The following CLSTN2 variants were observed in gnomAD, a reference collection of about 807,000 sequenced individuals.
CLSTN2 encodes the protein calsyntenin-2.
A neutral mutation model predicts 101.2 loss-of-function variants in CLSTN2; 48 were observed. That is an observed-to-expected ratio of 0.47 (90% CI 0.38 to 0.60). The LOEUF is 0.60. Among genes scored for constraint, CLSTN2 ranks in the 20% least tolerant of loss-of-function variants. CLSTN2 has a pLI of 0.00. For synonymous variants in CLSTN2, 481 were observed against 463.6 expected, an observed-to-expected ratio of 1.04 and a Z score of -0.48; for missense variants, 1,160 against 1,238.2, an observed-to-expected ratio of 0.94 and a Z score of 0.95.
intron 1 of CLSTN2, among the ~76,000 whole-genome samples, chr3:139,941,209 A>G (rs930212507): frequency 2.0e-5 from 3 of 152,096 alleles, no homozygotes; most frequent in African/African-American, 7.2e-5. Flanking sequence ...TTGAGGGTAG[A>G]CCATGGGGAG....
intron 2 of CLSTN2, among the ~76,000 whole-genome samples, chr3:140,290,193 G>A (rs2086935001): frequency 6.6e-6 from 1 of 152,074 alleles, no homozygotes; most frequent in African/African-American, 2.4e-5. Flanking sequence ...AAGTGTTTGA[G>A]CCTGTTTTGG....
At chr3:140,269,937 T>C in intron 2 of CLSTN2, among the ~76,000 whole-genome samples, 1 of 141,944 alleles carries the variant, frequency 7.0e-6, no homozygotes, top group South Asian at 2.2e-4. Flanking sequence ...GAGGATTTGA[T>C]GAGGTTTTGT....
At position 140,562,316 on chromosome 3, in the gene CLSTN2, C is replaced by A. The variant is rs745756994; in HGVS notation, c.2212+8C>A. The stretch of plus-strand genomic sequence containing the variant: ...CAGGCTACTCCATCTACGGTAAGGC[C>A]ACACTCAGCCCCCTTTGCCCCAAGG... On this transcript the variant is annotated splice_region_variant and intron_variant, in intron 13 of 16. Transcript: ENST00000458420. 6.2e-7 allele frequency: 1 copy of A among 1,609,366 alleles called. No individual in the cohort carries two copies. The highest frequency in any genetic ancestry group is 1.1e-5 in the South Asian group (1 of 90,616).
intron 1 of CLSTN2, among the ~76,000 whole-genome samples, chr3:140,011,638 TC>T (rs2007075461): frequency 1.3e-5 from 2 of 152,198 alleles, no homozygotes; most frequent in South Asian, 4.1e-4. Flanking sequence ...CCTGGCCTCA[TC>T]CTTCTCACAA....
intron 6 of CLSTN2, among the ~76,000 whole-genome samples, chr3:140,455,288 A>G (rs534033753): frequency 6.6e-6 from 1 of 152,318 alleles, no homozygotes; most frequent in South Asian, 2.1e-4. Context: ...AGGAGGCACA[A>G]CTGGTGGCCC....
chr3:139,997,451 G>A (rs2006695838), intron 1 of CLSTN2, among the ~76,000 whole-genome samples: 1 of 152,168 alleles, frequency 6.6e-6, no homozygotes, highest in African/African-American at 2.4e-5. Context: ...GCAGCTCCAT[G>A]GAGTGAATTG....
rs1309395588 is a variant in CLSTN2, at chr3:140,558,667, T to C, written c.1851T>C (p.Ser617=). 2 of 1,613,924 alleles carry C rather than the reference T, an allele frequency of 1.2e-6. No homozygotes were observed. The highest frequency in any genetic ancestry group is 1.7e-6 in the Non-Finnish European group (2 of 1,179,914). ...VQCFGEDVCI[S]IPEVDAYVMV... The stretch of plus-strand genomic sequence containing the variant: ...GCTTTGGGGAAGACGTATGCATCAG[T>C]ATCCCTGAGGTAGATGCCTATGTGA... The change falls in exon 12 of 17, where the codon AGT becomes AGC. Residue 617 remains serine (S), a synonymous_variant. Transcript: ENST00000458420.
intron 1 of CLSTN2, among the ~76,000 whole-genome samples, chr3:140,132,193 TA>T: frequency 6.6e-6 from 1 of 152,190 alleles, no homozygotes; most frequent in East Asian, 1.9e-4. Context: ...GGAAAAAGTG[TA>T]AAAGACTCCT....
intron 9 of CLSTN2, among the ~76,000 whole-genome samples, chr3:140,534,175 G>A (rs1042533128): frequency 1.3e-5 from 2 of 152,106 alleles, no homozygotes; most frequent in East Asian, 3.9e-4. Context: ...CCCCTGGTGT[G>A]GCTTAGTGCC....
chr3:140,146,813 C>T (rs761623064), intron 1 of CLSTN2, among the ~76,000 whole-genome samples: 6 of 152,214 alleles, frequency 3.9e-5, no homozygotes, highest in Non-Finnish European at 8.8e-5. Flanking sequence ...CTTCCTCCTG[C>T]ACCACCTCCT....
chr3:139,971,602 A>C (rs1473050712), intron 1 of CLSTN2, among the ~76,000 whole-genome samples: 2 of 152,194 alleles, frequency 1.3e-5, no homozygotes, highest in African/African-American at 2.4e-5. Context: ...GTTGTTAAGC[A>C]TGGAATGAGT....
At chr3:140,501,920 T>G (rs1433849806) in intron 8 of CLSTN2, among the ~76,000 whole-genome samples, 1 of 152,244 alleles carries the variant, frequency 6.6e-6, no homozygotes, top group Non-Finnish European at 1.5e-5. Flanking sequence ...TGCTGGTTCA[T>G]GGCCCACAGT....
intron 2 of CLSTN2, among the ~76,000 whole-genome samples, chr3:140,257,157 C>T (rs1284843622): frequency 2.0e-5 from 3 of 152,136 alleles, no homozygotes; most frequent in Non-Finnish European, 4.4e-5. Flanking sequence ...ACTTGTAAAG[C>T]AAATATGCTT....
At chr3:140,367,829 C>A (rs1048920118) in intron 2 of CLSTN2, among the ~76,000 whole-genome samples, 1 of 152,114 alleles carries the variant, frequency 6.6e-6, no homozygotes, top group African/African-American at 2.4e-5. Flanking sequence ...TAGTAGTTAC[C>A]ACATAGGGAT....
chr3:140,221,851 C>A (rs1426875029), intron 2 of CLSTN2, among the ~76,000 whole-genome samples: 1 of 151,988 alleles, frequency 6.6e-6, no homozygotes, highest in African/African-American at 2.4e-5. Context: ...AAAAGGGAAT[C>A]CTTATACACT....
chr3:140,438,519 T>C (rs1036479527), intron 5 of CLSTN2, among the ~76,000 whole-genome samples: 7 of 135,904 alleles, frequency 5.2e-5, no homozygotes, highest in African/African-American at 2.0e-4. Context: ...TGAAAAAGTA[T>C]ACATAAGCCA....
At chr3:140,103,692 C>G (rs2009005152) in intron 1 of CLSTN2, among the ~76,000 whole-genome samples, 1 of 152,146 alleles carries the variant, frequency 6.6e-6, no homozygotes, top group Admixed American at 6.5e-5. Flanking sequence ...AGAGTAGTTC[C>G]CAGGAGTAAT....
intron 1 of CLSTN2, among the ~76,000 whole-genome samples, chr3:140,171,794 A>ATC (rs2010234566): frequency 9.2e-6 from 1 of 108,292 alleles, no homozygotes; most frequent in African/African-American, 4.3e-5. Flanking sequence ...AATATATAAT[A>ATC]TATAATATGT....
chr3:140,191,125 T>A (rs1038581739), intron 2 of CLSTN2, among the ~76,000 whole-genome samples: 1 of 152,102 alleles, frequency 6.6e-6, no homozygotes, highest in Non-Finnish European at 1.5e-5. Flanking sequence ...TTAAAAAGTA[T>A]AAATGGGTGT....
Sources: allele counts gnomAD v4.1 joint callset (sites outside exome capture counted in the v4.1 genomes callset), GRCh38; gene constraint gnomAD v4.1.1; transcripts MANE v1.5; gene names NCBI Gene and HGNC (gene_info 2026-07-23, HGNC 2026-07-21).